PTPRG: variants seen among roughly 807,000 people sequenced by gnomAD.
PTPRG encodes receptor-type tyrosine-protein phosphatase gamma.
Under a neutral mutation model 165.3 loss-of-function variants are expected in PTPRG, and 102 were observed. The ratio of observed to expected loss-of-function variants is 0.62; its 90% CI spans 0.53 to 0.73. The LOEUF (loss-of-function observed/expected upper bound fraction) is 0.73, where lower values mean the gene tolerates loss of function less well. Among genes scored for constraint, PTPRG ranks in the 30% least tolerant of loss-of-function variants. The pLI, the probability that PTPRG is intolerant of heterozygous loss-of-function variation, is 0.00. For missense variants in PTPRG, 1,866 were observed against 1,861.4 expected (o/e 1.00, Z -0.05); for synonymous variants, 675 against 669.5 (o/e 1.01, Z -0.13).
chr3:62,108,731 C>G (rs1702561877), intron 5 of PTPRG, among the ~76,000 whole-genome samples: 1 of 152,028 alleles, frequency 6.6e-6, no homozygotes. Context: ...TGTAATGATC[C>G]CCATTCTAAC....
In PTPRG at chr3:62,214,189, TAC is replaced by T. The variant is rs1052555205; in HGVS notation, c.2156-4660_2156-4659del. On this transcript the variant is annotated intron_variant, in intron 12 of 29. Coordinates refer to ENST00000474889, the MANE Select transcript of PTPRG (RefSeq NM_002841.4). This position sits in a 1 kb window ranked among gnomAD's most constrained non-coding sequence, Gnocchi z 5.2. ...GACTGCCACTTACACACTCAGATGT[TAC>T]AGAGAGGAGTCAGATTCAGCAAACA... is the stretch of plus-strand genomic sequence containing the variant. Among the ~76,000 whole-genome samples the T allele has an allele frequency of 2.6e-5, 4 of 152,182 alleles. No individual in the cohort carries two copies. Among genetic ancestry groups the T allele is most frequent in the African/African-American group, 9.7e-5 (4 of 41,448 alleles).
chr3:61,882,204 A>C (rs1169749046), intron 2 of PTPRG, among the ~76,000 whole-genome samples: 4 of 152,226 alleles, frequency 2.6e-5, no homozygotes, highest in African/African-American at 9.6e-5. Context: ...TATTGGGGTA[A>C]CTTATAAATG....
chr3:61,821,211 C>A (rs2035945225), intron 2 of PTPRG, among the ~76,000 whole-genome samples: 1 of 151,844 alleles, frequency 6.6e-6, no homozygotes, highest in South Asian at 2.1e-4. Context: ...GCTCTGTTGC[C>A]CAGGCTGGAG....
intron 12 of PTPRG, among the ~76,000 whole-genome samples, chr3:62,207,884 A>T (rs1396446126): frequency 2.0e-5 from 3 of 152,192 alleles, no homozygotes; most frequent in Non-Finnish European, 4.4e-5. Context: ...GGACTGCAGC[A>T]AATTAAAGAG....
intron 2 of PTPRG, among the ~76,000 whole-genome samples, chr3:61,798,105 A>G (rs904830093): frequency 6.6e-6 from 1 of 152,224 alleles, no homozygotes; most frequent in Non-Finnish European, 1.5e-5. Flanking sequence ...GCATTTTAAT[A>G]CAGACAATTG....
intron 1 of PTPRG, among the ~76,000 whole-genome samples, chr3:61,585,760 A>G (rs1000820325): frequency 4.6e-5 from 7 of 152,242 alleles, no homozygotes; most frequent in Non-Finnish European, 8.8e-5. Context: ...AGAAAACAAT[A>G]TTAGGACAAT....
chr3:62,227,748 C>T (rs116017654), intron 13 of PTPRG, among the ~76,000 whole-genome samples: 1 of 152,168 alleles, frequency 6.6e-6, no homozygotes, highest in Non-Finnish European at 1.5e-5. Flanking sequence ...TTAAGGGGCT[C>T]ATACCTGAGA....
chr3:62,134,139 C>T (rs1703619632), intron 6 of PTPRG, among the ~76,000 whole-genome samples: 1 of 152,066 alleles, frequency 6.6e-6, no homozygotes, highest in South Asian at 2.1e-4. Flanking sequence ...GCTTAGGGGA[C>T]ACAAACCTTC....
chr3:62,180,805 A>G (rs535057364), intron 8 of PTPRG, among the ~76,000 whole-genome samples: 55 of 152,272 alleles, frequency 3.6e-4, no homozygotes, highest in African/African-American at 1.3e-3. Context: ...ATGTAGAAAA[A>G]AGAATCCAAG....
chr3:62,000,716 A>G (rs1446523780), intron 3 of PTPRG, among the ~76,000 whole-genome samples: 1 of 152,202 alleles, frequency 6.6e-6, no homozygotes, highest in African/African-American at 2.4e-5. Context: ...TGTGTGAGAA[A>G]GTGTTGCTTT....
At chr3:62,105,502 A>G (rs1401485618) in intron 5 of PTPRG, among the ~76,000 whole-genome samples, 1 of 151,884 alleles carries the variant, frequency 6.6e-6, no homozygotes, top group Non-Finnish European at 1.5e-5. Flanking sequence ...TAGCATAGAC[A>G]TAGCATAGAA....
intron 15 of PTPRG, 143 bp downstream of exon 15, chr3:62,244,041 C>G (rs888998573): frequency 5.3e-6 from 3 of 561,492 alleles, no homozygotes; most frequent in African/African-American, 3.8e-5. Context: ...GAACAAATAA[C>G]TGAGTTAATG....
intron 2 of PTPRG, among the ~76,000 whole-genome samples, chr3:61,752,796 A>AAAAAAAAAG (rs1225275864): frequency 2.4e-5 from 2 of 82,016 alleles, no homozygotes; most frequent in African/African-American, 5.4e-5. Flanking sequence ...AAAAAAAAAA[A>AAAAAAAAAG]AAAAAGAAAA....
intron 2 of PTPRG, chr3:61,753,696 C>G (rs1308054205): frequency 7.2e-6 from 3 of 415,170 alleles, no homozygotes; most frequent in Non-Finnish European, 1.4e-5. Flanking sequence ...TGAGTTCAAG[C>G]AATTCTCACG....
In PTPRG at chr3:61,987,715, A is replaced by G. The variant is rs140161442; in HGVS notation, c.191-1910A>G. ...TCAATTGTGGCTAAGTAAAATTCCT[A>G]TTTTGGTCAGCCATCTAATAAATCA... On this transcript the variant is annotated intron_variant, in intron 2 of 29. Transcript: ENST00000474889. 2.6e-3 allele frequency among the ~76,000 whole-genome samples: 398 copies of G among 152,232 alleles called. 7 individuals are homozygous for G. The highest frequency in any genetic ancestry group is 9.3e-3 in the African/African-American group (387 of 41,514).
intron 1 of PTPRG, among the ~76,000 whole-genome samples, chr3:61,735,442 A>G (rs879922719): frequency 6.6e-6 from 1 of 152,222 alleles, no homozygotes; most frequent in Non-Finnish European, 1.5e-5. Context: ...AAAAATGGAG[A>G]TAACAAAAAT....
intron 1 of PTPRG, among the ~76,000 whole-genome samples, chr3:61,726,573 C>A (rs2032266088): frequency 6.6e-6 from 1 of 152,098 alleles, no homozygotes; most frequent in Non-Finnish European, 1.5e-5. Flanking sequence ...TTTTATAATC[C>A]ATTAAACACT....
intron 13 of PTPRG, among the ~76,000 whole-genome samples, chr3:62,223,738 A>G (rs377716951): frequency 1.2e-4 from 19 of 152,298 alleles, no homozygotes; most frequent in South Asian, 8.3e-4. Flanking sequence ...AAAAATGGAA[A>G]ATGTAACTCT....
chr3:61,650,390 AAC>A (rs1286440220), intron 1 of PTPRG, among the ~76,000 whole-genome samples: 1 of 152,226 alleles, frequency 6.6e-6, no homozygotes, highest in Non-Finnish European at 1.5e-5. Context: ...ATGTTCGAAG[AAC>A]ACAGTGACGA....
Sources: gnomAD v4.1 joint callset for allele counts (sites outside exome capture counted in the v4.1 genomes callset) on GRCh38, gnomAD v4.1.1 for gene constraint, Gnocchi (gnomAD v3.1) non-coding constraint, MANE v1.5 for transcripts, NCBI Gene and HGNC (gene_info 2026-07-23, HGNC 2026-07-21) for gene names.